UNC13B: variants seen among roughly 807,000 people sequenced by gnomAD.
UNC13B encodes the protein protein unc-13 homolog B.
In UNC13B, 144 loss-of-function variants were observed where a neutral mutation model predicts 211.0. The observed-to-expected ratio is 0.68, with a 90% CI of 0.60 to 0.78. UNC13B has a LOEUF of 0.78. UNC13B is among the 30% of genes least tolerant of loss of function. The pLI is 0.00. For missense variants in UNC13B, 1,777 were observed against 2,002.0 expected (o/e 0.89, Z 2.14); for synonymous variants, 709 against 725.8 (o/e 0.98, Z 0.37).
intron 6 of UNC13B, among the ~76,000 whole-genome samples, chr9:35,245,269 T>G (rs990989928): frequency 2.6e-5 from 4 of 151,964 alleles, no homozygotes; most frequent in African/African-American, 9.7e-5. Context: ...ATTGTGGAAT[T>G]TTATAAGTTC....
rs1171893975 is a variant in UNC13B, at chr9:35,365,751, A to G, written c.9415-1196A>G. On this transcript the variant is annotated intron_variant, in intron 11 of 39. Transcript: ENST00000635942. ...GCTGCCTTTTGGACCTGGCCCTCCC[A>G]TTACCAATATCATCCTACCTATAGA... is the stretch of plus-strand genomic sequence containing the variant. Among the ~76,000 whole-genome samples the G allele has an allele frequency of 1.3e-5, 2 of 152,074 alleles. 1 individual carries two copies. Among genetic ancestry groups the G allele is most frequent in the Non-Finnish European group, 2.9e-5 (2 of 68,010 alleles).
At chr9:35,342,164 G>A (rs1222811839) in intron 11 of UNC13B, 1 of 985,390 alleles carries the variant, frequency 1.0e-6, no homozygotes, top group Non-Finnish European at 1.2e-6. Context: ...CTGTTTGTCG[G>A]TTGGGCAAGC....
chr9:35,303,639 T>C lies in UNC13B; in HGVS notation c.4235T>C (p.Leu1412Ser). 2.5e-6 allele frequency: 1 copy of C among 398,770 alleles called. No homozygotes were observed. Among genetic ancestry groups the C allele is most frequent in the Admixed American group, 4.4e-5 (1 of 22,706 alleles). 24.7% of individuals were successfully genotyped at this position (398,770 alleles called of 1,614,324 possible). The change falls in exon 9 of 40, where the codon TTG becomes TCG. Residue 1412 changes from leucine (L) to serine (S), a missense_variant. By Grantham distance (145) the Leu-to-Ser change is moderately radical. Transcript: ENST00000635942. Reference protein sequence around the residue: ...FCQKDQNANILEWRTNPNSVI... With the variant: ...FCQKDQNANISEWRTNPNSVI... The stretch of plus-strand genomic sequence containing the variant: ...CAAAAAGATCAAAATGCAAACATCT[T>C]GGAGTGGAGAACAAATCCAAACAGT...
chr9:35,246,766 G>C (rs1826126982), intron 6 of UNC13B, among the ~76,000 whole-genome samples: 1 of 152,144 alleles, frequency 6.6e-6, no homozygotes, highest in Admixed American at 6.5e-5. Context: ...TTGTAATATA[G>C]TTTGAAGTCA....
At position 35,301,959 on chromosome 9, in the gene UNC13B, G is replaced by A; in HGVS notation, c.2555G>A (p.Gly852Asp). The A allele has an allele frequency of 2.5e-6, 1 of 398,776 alleles. No homozygotes were observed. The highest frequency in any genetic ancestry group is 2.1e-5 in the African/African-American group (1 of 48,752). 24.7% of individuals were successfully genotyped at this position (398,776 alleles called of 1,614,324 possible). A position where few individuals can be genotyped will look rare whatever the true frequency, so the allele number is the denominator to read the frequency against. Reference sequence around the variant, plus strand: ...TTAGAAAGGGGCTCTAAGAAAGATGGTCATTCCTTTTCCTTTAGTGGAAAA... The same window carrying A: ...TTAGAAAGGGGCTCTAAGAAAGATGATCATTCCTTTTCCTTTAGTGGAAAA... The part of the protein sequence containing the change: ...DGLERGSKKD[G>D]HSFSFSGKLN... Residue 852 changes from glycine (G) to aspartate (D), a missense_variant, in exon 9 of 40, where the codon GGT (glycine) becomes GAT (aspartate). Coordinates refer to ENST00000635942, the MANE Select transcript of UNC13B (RefSeq NM_001371189.2).
intron 11 of UNC13B, among the ~76,000 whole-genome samples, chr9:35,348,534 G>A (rs1340176268): frequency 7.9e-5 from 12 of 152,158 alleles, no homozygotes; most frequent in African/African-American, 2.7e-4. Context: ...GAGTGGGAAA[G>A]GCAGGAGTCT....
intron 7 of UNC13B, among the ~76,000 whole-genome samples, chr9:35,265,177 T>C (rs1196085888): frequency 2.0e-5 from 3 of 152,188 alleles, no homozygotes. Context: ...TTGTGTCCCC[T>C]CCAAATTCAT....
Position 35,399,720 on chromosome 9 carries a change from C to A in UNC13B, c.12327C>A (p.Asp4109Glu). 6.2e-7 allele frequency: 1 copy of A among 1,614,126 alleles called. No individual in the cohort carries two copies. Among genetic ancestry groups the A allele is most frequent in the South Asian group, 1.1e-5 (1 of 91,074 alleles). Residue 4109 changes from aspartate (D) to glutamate (E), a missense_variant, in exon 36 of 40, where the codon GAC (aspartate) becomes GAA (glutamate). Asp to Glu is a conservative substitution (Grantham distance 45). Coordinates refer to ENST00000635942, the MANE Select transcript of UNC13B (RefSeq NM_001371189.2). ...KQCAVLDLAL[D>E]TIKQYFHAGG... ...GTGCAGTCCTTGACCTCGCCCTGGA[C>A]ACCATCAAGGTGGAGGCCCCCCCTT...
intron 11 of UNC13B, among the ~76,000 whole-genome samples, chr9:35,326,865 C>T (rs1831047651): frequency 6.6e-6 from 1 of 152,186 alleles, no homozygotes; most frequent in African/African-American, 2.4e-5. Flanking sequence ...GGAGGGACTA[C>T]CGTAATATCT....
At chr9:35,187,026 A>G (rs1398931973) in intron 1 of UNC13B, among the ~76,000 whole-genome samples, 1 of 152,136 alleles carries the variant, frequency 6.6e-6, no homozygotes, top group Non-Finnish European at 1.5e-5. Context: ...TGCTATTAGG[A>G]TAATAATTAA....
At chr9:35,217,806 G>A (rs1210639644) in intron 1 of UNC13B, among the ~76,000 whole-genome samples, 1 of 152,180 alleles carries the variant, frequency 6.6e-6, no homozygotes, top group Non-Finnish European at 1.5e-5. Context: ...CACTTTCAGA[G>A]GCTGAGGAGG....
At chr9:35,254,018 C>T (rs1200839247) in intron 6 of UNC13B, among the ~76,000 whole-genome samples, 1 of 151,960 alleles carries the variant, frequency 6.6e-6, no homozygotes, top group Non-Finnish European at 1.5e-5. Flanking sequence ...TTTGTATTTT[C>T]CTGTTTATTG....
intron 1 of UNC13B, among the ~76,000 whole-genome samples, chr9:35,188,179 CT>C (rs112424287): frequency 5.3e-5 from 8 of 152,198 alleles, no homozygotes; most frequent in African/African-American, 1.4e-4. Context: ...TAGTCCTGTA[CT>C]TTTTTTCTTT....
intron 36 of UNC13B, 96 bp from the exon 37 acceptor site, chr9:35,400,200 T>A: frequency 6.5e-7 from 1 of 1,528,420 alleles, no homozygotes; most frequent in Non-Finnish European, 8.8e-7. Context: ...GAACAGCCTA[T>A]TCTCACAGTC....
intron 6 of UNC13B, among the ~76,000 whole-genome samples, chr9:35,247,326 C>G (rs977304069): frequency 2.6e-5 from 4 of 152,156 alleles, no homozygotes; most frequent in Non-Finnish European, 5.9e-5. Context: ...TCCTCTTTTT[C>G]TAATTGAATA....
At chr9:35,359,740 C>G (rs1431183447) in intron 11 of UNC13B, among the ~76,000 whole-genome samples, 3 of 152,176 alleles carry the variant, frequency 2.0e-5, no homozygotes, top group African/African-American at 7.2e-5. Context: ...TTGAATCTTG[C>G]CATTATCTCT....
chr9:35,340,601 G>A (rs2132009241), intron 11 of UNC13B, among the ~76,000 whole-genome samples: 1 of 152,332 alleles, frequency 6.6e-6, no homozygotes, highest in East Asian at 1.9e-4. Context: ...CAGGGCAGCA[G>A]AAGTCACAAG....
Position 35,167,668 on chromosome 9 carries a change from A to C in UNC13B, c.22+5363A>C, listed in dbSNP as rs1453128586. On this transcript the variant is annotated intron_variant, in intron 1 of 39. Transcript: ENST00000635942. ...AGTGGCGCCCTCTCTGCTCACTGCA[A>C]CCTCTGCCTCCTGGGTTCAAGCAAT... Among the ~76,000 whole-genome samples, 5 of 146,262 alleles carry C rather than the reference A, an allele frequency of 3.4e-5. No individual in the cohort carries two copies. In the East Asian group the frequency reaches 1.0e-3, roughly 29 times the overall value.
chr9:35,294,916 A>C (rs1400962417), intron 7 of UNC13B, among the ~76,000 whole-genome samples: 1 of 152,228 alleles, frequency 6.6e-6, no homozygotes, highest in Non-Finnish European at 1.5e-5. Context: ...CTGAAGGACA[A>C]ATAATTCTAC....
Sources: allele counts gnomAD v4.1 joint callset (sites outside exome capture counted in the v4.1 genomes callset), GRCh38; gene constraint gnomAD v4.1.1; transcripts MANE v1.5; gene names NCBI Gene and HGNC (gene_info 2026-07-23, HGNC 2026-07-21).